Variants in TAFA1 observed in about 807,000 individuals in gnomAD.
TAFA1 encodes chemokine-like protein TAFA-1.
TAFA1 carries 4 observed loss-of-function variants against 18.5 expected under a neutral mutation model. The observed-to-expected ratio is 0.22, with a 90% confidence interval of 0.11 to 0.49. The LOEUF (loss-of-function observed/expected upper bound fraction) is 0.49, where lower values mean the gene tolerates loss of function less well. Ranked by LOEUF, TAFA1 falls within the 20% of genes least tolerant of loss-of-function variation. The probability of loss-of-function intolerance (pLI) is 0.98; values close to 1 mark genes in which losing one functional copy is unlikely to be tolerated. For missense variants in TAFA1, 147 were observed against 169.0 expected (o/e 0.87, Z 0.72); for synonymous variants, 56 against 55.2 (o/e 1.01, Z -0.06).
At chr3:68,196,371 T>C (rs1248196975) in intron 2 of TAFA1, among the ~76,000 whole-genome samples, 1 of 150,398 alleles carries the variant, frequency 6.6e-6, no homozygotes, top group Non-Finnish European at 1.5e-5. Flanking sequence ...ACTGACCAAA[T>C]GTAGCAATCA....
At position 68,493,468 on chromosome 3, in the gene TAFA1, A is replaced by G. The variant is rs116125995; in HGVS notation, c.260-45288A>G. On this transcript the variant is annotated intron_variant, in intron 3 of 4. Coordinates refer to ENST00000478136, the MANE Select transcript of TAFA1 (RefSeq NM_213609.4). ...GCACATGGGTGCACAAATGTCTCTTAGAATCCCTGATTTAAATTTGTTTGG... is the reference window on the plus strand; with the variant it reads ...GCACATGGGTGCACAAATGTCTCTTGGAATCCCTGATTTAAATTTGTTTGG... Among the ~76,000 whole-genome samples, 1,420 of 152,338 alleles carry G rather than the reference A, an allele frequency of 9.3e-3. 11 individuals are homozygous for G. Among genetic ancestry groups the G allele is most frequent in the South Asian group, 0.026 (126 of 4,824 alleles).
At chr3:68,448,292 T>C (rs888100218) in intron 3 of TAFA1, among the ~76,000 whole-genome samples, 14 of 152,328 alleles carry the variant, frequency 9.2e-5, no homozygotes, top group African/African-American at 3.4e-4. Flanking sequence ...ATCAATTATA[T>C]TGAAATCTGA....
At chr3:68,525,925 A>G (rs2073106049) in intron 3 of TAFA1, among the ~76,000 whole-genome samples, 1 of 152,126 alleles carries the variant, frequency 6.6e-6, no homozygotes, top group African/African-American at 2.4e-5. Context: ...GAGAACCACA[A>G]GCTTTTCATC....
chr3:68,156,110 C>T (rs2106930378), intron 2 of TAFA1, among the ~76,000 whole-genome samples: 2 of 152,194 alleles, frequency 1.3e-5, no homozygotes. Context: ...AGTGCAGTGG[C>T]AGAATATACT....
intron 2 of TAFA1, among the ~76,000 whole-genome samples, chr3:68,163,446 T>C (rs191451703): frequency 6.6e-6 from 1 of 152,342 alleles, no homozygotes; most frequent in East Asian, 1.9e-4. Flanking sequence ...GCACTTTGAA[T>C]GTGTTAGTTA....
intron 2 of TAFA1, among the ~76,000 whole-genome samples, chr3:68,203,755 A>G (rs2066493768): frequency 6.6e-6 from 1 of 151,692 alleles, no homozygotes; most frequent in East Asian, 2.0e-4. Context: ...AGGCTCTGAT[A>G]AAACCCCATC....
intron 2 of TAFA1, among the ~76,000 whole-genome samples, chr3:68,092,614 G>A (rs909323252): frequency 6.6e-6 from 1 of 152,106 alleles, no homozygotes; most frequent in African/African-American, 2.4e-5. Context: ...TCCATCTCAG[G>A]TAAATCTTTC....
intron 2 of TAFA1, among the ~76,000 whole-genome samples, chr3:68,336,538 A>G (rs1443776197): frequency 1.3e-5 from 2 of 152,228 alleles, no homozygotes; most frequent in Non-Finnish European, 2.9e-5. Context: ...AAAGTTTGTG[A>G]CTTTCTATTA....
chr3:68,184,872 G>A (rs1034199158), intron 2 of TAFA1, among the ~76,000 whole-genome samples: 4 of 152,078 alleles, frequency 2.6e-5, no homozygotes, highest in Non-Finnish European at 5.9e-5. Flanking sequence ...AGATTCCTAT[G>A]GGCTGAGACA....
At chr3:68,423,254 A>G (rs1195539501) in intron 3 of TAFA1, among the ~76,000 whole-genome samples, 1 of 152,114 alleles carries the variant, frequency 6.6e-6, no homozygotes, top group East Asian at 1.9e-4. Flanking sequence ...CTCTAAGTCT[A>G]TACACTTATT....
At chr3:68,446,345 T>G (rs1456368750) in intron 3 of TAFA1, among the ~76,000 whole-genome samples, 1 of 152,096 alleles carries the variant, frequency 6.6e-6, no homozygotes, top group African/African-American at 2.4e-5. Context: ...ATACTTAATA[T>G]CTGTTCCTTT....
At chr3:68,236,594 G>A (rs2066929983) in intron 2 of TAFA1, among the ~76,000 whole-genome samples, 1 of 152,188 alleles carries the variant, frequency 6.6e-6, no homozygotes, top group African/African-American at 2.4e-5. Context: ...AAAAATGAAA[G>A]GTTGAGGTTG....
intron 2 of TAFA1, among the ~76,000 whole-genome samples, chr3:68,076,747 G>C (rs890647727): frequency 3.3e-5 from 5 of 152,374 alleles, no homozygotes; most frequent in Admixed American, 2.6e-4. Context: ...TTGCTATTGT[G>C]AATAATGCCG....
chr3:68,443,388 C>T (rs1303541491), intron 3 of TAFA1, among the ~76,000 whole-genome samples: 10 of 148,418 alleles, frequency 6.7e-5, no homozygotes, highest in Admixed American at 6.2e-4. Context: ...CTAGGATCTC[C>T]AGGTCATGAA....
intron 3 of TAFA1, among the ~76,000 whole-genome samples, chr3:68,530,831 A>G (rs2073178072): frequency 6.6e-6 from 1 of 152,186 alleles, no homozygotes; most frequent in Non-Finnish European, 1.5e-5. Flanking sequence ...TTAATTTTAC[A>G]AGAATCTAAA....
intron 2 of TAFA1, among the ~76,000 whole-genome samples, chr3:68,177,521 C>T (rs2066140874): frequency 1.3e-5 from 2 of 152,126 alleles, no homozygotes; most frequent in East Asian, 3.8e-4. Context: ...TAGGAGTAAG[C>T]TCCTATTATA....
chr3:68,429,147 G>A (rs1307651604), intron 3 of TAFA1, among the ~76,000 whole-genome samples: 1 of 151,826 alleles, frequency 6.6e-6, no homozygotes, highest in Non-Finnish European at 1.5e-5. Context: ...GCTCATTCTG[G>A]ATATTTGCCT....
chr3:68,053,661 C>CA (rs1173707402), intron 2 of TAFA1, among the ~76,000 whole-genome samples: 1 of 151,898 alleles, frequency 6.6e-6, no homozygotes, highest in Non-Finnish European at 1.5e-5. Context: ...AGCAGAGCCA[C>CA]AAAAAAATGA....
In TAFA1 at chr3:68,474,057, C is replaced by G. The variant is rs532445334; in HGVS notation, c.259+56637C>G. On this transcript the variant is annotated intron_variant, in intron 3 of 4. Coordinates refer to ENST00000478136, the MANE Select transcript of TAFA1 (RefSeq NM_213609.4). ...CTGCAAGAAAATGTATCACCCCCCC[C>G]CCCAAGTAAATAAAAAGCCAAGCTA... Among the ~76,000 whole-genome samples the G allele has an allele frequency of 1.9e-4, 29 of 149,482 alleles. 1 individual carries two copies. The highest frequency in any genetic ancestry group is 8.9e-4 in the South Asian group (4 of 4,506).
Sources: allele counts gnomAD v4.1 joint callset (sites outside exome capture counted in the v4.1 genomes callset), GRCh38; gene constraint gnomAD v4.1.1; transcripts MANE v1.5; gene names NCBI Gene and HGNC (gene_info 2026-07-23, HGNC 2026-07-21).